Variants in PDE3B observed in about 807,000 individuals in gnomAD.
PDE3B encodes the protein phosphodiesterase 3B, also known as cGMP-inhibited 3',5'-cyclic phosphodiesterase 3B.
Under a neutral mutation model 116.8 loss-of-function variants are expected in PDE3B, and 66 were observed. That is an observed-to-expected ratio of 0.56 (90% confidence interval 0.46 to 0.69). The LOEUF (loss-of-function observed/expected upper bound fraction) is 0.69. Ranked by LOEUF, PDE3B falls within the 30% of genes least tolerant of loss-of-function variation. The probability of loss-of-function intolerance (pLI) is 0.00; values close to 1 mark genes in which losing one functional copy is unlikely to be tolerated. For missense variants in PDE3B, 1,384 were observed against 1,368.1 expected (o/e 1.01, Z -0.18); for synonymous variants, 595 against 533.6 (o/e 1.12, Z -1.59).
chr11:14,860,924 C>T (rs201501563), intron 13 of PDE3B, among the ~76,000 whole-genome samples: 52,153 of 149,670 alleles, frequency 0.35, 10,264 homozygotes, highest in Admixed American at 0.45. Context: ...TATATATACA[C>T]ACACACACAC....
At chr11:14,726,498 G>A (rs1856310236) in intron 1 of PDE3B, among the ~76,000 whole-genome samples, 1 of 152,072 alleles carries the variant, frequency 6.6e-6, no homozygotes, top group Admixed American at 6.6e-5. Flanking sequence ...CATATAAATG[G>A]TCATTTACAC....
At chr11:14,851,416 A>G (rs1173605540) in intron 12 of PDE3B, among the ~76,000 whole-genome samples, 1 of 151,186 alleles carries the variant, frequency 6.6e-6, no homozygotes, top group African/African-American at 2.4e-5. Flanking sequence ...AAAATAGGAG[A>G]TATATTCTCT....
At chr11:14,703,646 A>G (rs1341657412) in intron 1 of PDE3B, among the ~76,000 whole-genome samples, 1 of 151,772 alleles carries the variant, frequency 6.6e-6, no homozygotes, top group Admixed American at 6.6e-5. Flanking sequence ...ATGTCCAGGT[A>G]ACACTAGATT....
intron 12 of PDE3B, among the ~76,000 whole-genome samples, chr11:14,846,731 A>G (rs1378452863): frequency 1.3e-5 from 2 of 152,140 alleles, no homozygotes; most frequent in Admixed American, 1.3e-4. Flanking sequence ...CAAAGATCAA[A>G]AGAGACAAAG....
rs1555008276 is a variant in PDE3B, at chr11:14,867,595, C to G, written c.2976C>G (p.Ile992Met). The G allele has an allele frequency of 4.3e-6, 7 of 1,613,872 alleles. No individual in the cohort carries two copies. Among genetic ancestry groups the G allele is most frequent in the Non-Finnish European group, 5.9e-6 (7 of 1,179,910 alleles). ...PQLAKLQESF[I>M]THIVGPLCNS... ...TAGCAAAACTCCAAGAATCTTTTATCACCCACATAGTGGGTCCCCTGTGTA... is the reference window on the plus strand; with the variant it reads ...TAGCAAAACTCCAAGAATCTTTTATGACCCACATAGTGGGTCCCCTGTGTA... The change falls in exon 15 of 16, where the codon ATC becomes ATG. Residue 992 changes from isoleucine to methionine, a missense_variant. Physicochemically the swap from Ile to Met is conservative, Grantham distance 10. Around this residue, in one of 2 missense-constraint regions of PDE3B, gnomAD observed 428 missense variants for 561.4 expected, o/e 0.76. Coordinates refer to ENST00000282096, the MANE Select transcript of PDE3B (RefSeq NM_000922.4).
rs1853559423 is a variant in PDE3B, at chr11:14,650,976, T to C, written c.978+5923T>C. Reference sequence around the variant, plus strand: ...TTGTGTTATTTTATGCCTTTGAATTTGCGATAATTTGTTACAGGAGCATAC... The same window carrying C: ...TTGTGTTATTTTATGCCTTTGAATTCGCGATAATTTGTTACAGGAGCATAC... On this transcript the variant is annotated intron_variant, in intron 1 of 15. Transcript: ENST00000282096. 4.0e-5 allele frequency among the ~76,000 whole-genome samples: 6 copies of C among 151,892 alleles called. No homozygotes were observed. The South Asian group carries it at 1.3e-3, about 32-fold the overall frequency.
In PDE3B at chr11:14,871,771, C is replaced by T. The variant is rs1317668322; in HGVS notation, c.*2111C>T. 6.6e-6 allele frequency: 1 copy of T among 152,068 alleles called. No homozygotes were observed. The highest frequency in any genetic ancestry group is 1.5e-5 in the Non-Finnish European group (1 of 67,996). 9.4% of individuals were successfully genotyped at this position (152,068 alleles called of 1,614,324 possible). A position where few individuals can be genotyped will look rare whatever the true frequency, so the allele number is the denominator to read the frequency against. On this transcript the variant is annotated 3_prime_UTR_variant, in exon 16 of 16. Transcript: ENST00000282096. ...TAAAGAAACCCAAAAAAGTATCTCT[C>T]CCGAGCTGAAACTTAAAAATTCGTA...
Position 14,871,713 on chromosome 11 carries a change from C to CTAA in PDE3B, c.*2054_*2056dup, listed in dbSNP as rs1848144356. On this transcript the variant is annotated 3_prime_UTR_variant, in exon 16 of 16. Transcript: ENST00000282096. ...TAGTCCTTAAATTATTTAACCCTTG[C>CTAA]TAAGTAATTGACATATGTAACAATA... 1 of 152,016 alleles carries CTAA rather than the reference C, an allele frequency of 6.6e-6. No homozygotes were observed. The highest frequency in any genetic ancestry group is 2.4e-5 in the African/African-American group (1 of 41,394). 9.4% of individuals were successfully genotyped at this position (152,016 alleles called of 1,614,324 possible). A position where few individuals can be genotyped will look rare whatever the true frequency, so the allele number is the denominator to read the frequency against.
At chr11:14,815,467 G>A (rs956193881) in intron 5 of PDE3B, among the ~76,000 whole-genome samples, 1 of 152,140 alleles carries the variant, frequency 6.6e-6, no homozygotes, top group African/African-American at 2.4e-5. Flanking sequence ...GATTCTTGAT[G>A]GCTCTGGGTT....
At chr11:14,801,828 C>T (rs1424346727) in intron 4 of PDE3B, among the ~76,000 whole-genome samples, 2 of 152,222 alleles carry the variant, frequency 1.3e-5, no homozygotes, top group African/African-American at 4.8e-5. Context: ...CAGAGATGCC[C>T]TGCCCAGAGT....
chr11:14,666,218 C>G (rs1166919326), intron 1 of PDE3B, among the ~76,000 whole-genome samples: 11 of 148,698 alleles, frequency 7.4e-5, no homozygotes, highest in African/African-American at 2.5e-4. Context: ...GCTGGGAAAA[C>G]TGGCTAGCCA....
At position 14,650,022 on chromosome 11, in the gene PDE3B, A is replaced by G. The variant is rs557970712; in HGVS notation, c.978+4969A>G. Among the ~76,000 whole-genome samples the G allele has an allele frequency of 4.6e-5, 7 of 151,438 alleles. No individual in the cohort carries two copies. The South Asian group carries it at 1.3e-3, about 27-fold the overall frequency. On this transcript the variant is annotated intron_variant, in intron 1 of 15. Coordinates refer to ENST00000282096, the MANE Select transcript of PDE3B (RefSeq NM_000922.4). ...AGGTTGTTGTTATAAGCCTGTTCTT[A>G]GAACTTGGGGCAGAAGAGTGTATCT...
intron 11 of PDE3B, among the ~76,000 whole-genome samples, 169 bp from the exon 12 acceptor site, chr11:14,843,658 C>T (rs1847521637): frequency 6.6e-6 from 1 of 152,122 alleles, no homozygotes; most frequent in Non-Finnish European, 1.5e-5. Flanking sequence ...TCTCTACTAA[C>T]ATGTTAAATT....
intron 1 of PDE3B, among the ~76,000 whole-genome samples, chr11:14,661,904 T>G (rs368202059): frequency 1.2e-4 from 19 of 152,308 alleles, no homozygotes; most frequent in South Asian, 6.2e-4. Flanking sequence ...AAAGACGCAG[T>G]AACCTCTGCA....
the PDE3B span, among the ~76,000 whole-genome samples, chr11:14,893,355 T>C: frequency 1.3e-5 from 2 of 152,238 alleles, no homozygotes; most frequent in African/African-American, 2.4e-5. Flanking sequence ...GAAAGTCTTA[T>C]TAGGAAGATG....
At chr11:14,751,366 C>G (rs1019508134) in intron 1 of PDE3B, among the ~76,000 whole-genome samples, 1 of 152,198 alleles carries the variant, frequency 6.6e-6, no homozygotes, top group South Asian at 2.1e-4. Context: ...CAGTTTGTTT[C>G]AAGAAATTGA....
At chr11:14,789,417 C>T (rs1459179264) in intron 4 of PDE3B, among the ~76,000 whole-genome samples, 175 bp downstream of exon 4, 1 of 151,938 alleles carries the variant, frequency 6.6e-6, no homozygotes, top group African/African-American at 2.4e-5. Flanking sequence ...TAAAGAGAAG[C>T]TAATGTGTCT....
At chr11:14,804,134 C>A in intron 5 of PDE3B, 84 bp downstream of exon 5, 2 of 725,780 alleles carry the variant, frequency 2.8e-6, no homozygotes, top group Non-Finnish European at 2.4e-6. Flanking sequence ...ATATTTATAG[C>A]TAATTTTGAA....
rs1859393188 is a variant in PDE3B, at chr11:14,818,237, C to G, written c.1577C>G (p.Thr526Ser). 1 of 1,613,634 alleles carries G rather than the reference C, an allele frequency of 6.2e-7. No individual in the cohort carries two copies. Among genetic ancestry groups the G allele is most frequent in the South Asian group, 1.1e-5 (1 of 91,076 alleles). Residue 526 changes from threonine to serine, a missense_variant, in exon 6 of 16, where the codon ACT becomes AGT. Thr to Ser is a moderately conservative substitution (Grantham distance 58). Around this residue, in one of 2 missense-constraint regions of PDE3B, gnomAD observed 956 missense variants for 806.8 expected, o/e 1.18. Transcript: ENST00000282096. Reference protein sequence around the residue: ...VNSSNHGPVSTGSLTNRSPIE... With the variant: ...VNSSNHGPVSSGSLTNRSPIE... ...TCTTCCAACCATGGACCAGTGTCTACTGGCTCTCTAACTAATCGATCACCC... is the reference window on the plus strand; with the variant it reads ...TCTTCCAACCATGGACCAGTGTCTAGTGGCTCTCTAACTAATCGATCACCC...
Sources: allele counts gnomAD v4.1 joint callset (sites outside exome capture counted in the v4.1 genomes callset), GRCh38; gene constraint gnomAD v4.1.1; regional missense constraint gnomAD v4.1.1; transcripts MANE v1.5; gene names NCBI Gene and HGNC (gene_info 2026-07-23, HGNC 2026-07-21).